FGF1: variants seen among roughly 807,000 people sequenced by gnomAD.
FGF1 encodes the protein fibroblast growth factor 1.
FGF1 carries 9 observed loss-of-function variants against 13.4 expected under a neutral mutation model. The observed-to-expected ratio is 0.67, with a 90% CI of 0.40 to 1.17. The LOEUF (loss-of-function observed/expected upper bound fraction) is 1.17. FGF1 is among the 50% of genes most tolerant of loss of function. The pLI is 0.01. For synonymous variants in FGF1, 93 were observed against 79.0 expected (o/e 1.18, Z -0.94); for missense variants, 156 against 192.7 (o/e 0.81, Z 1.13).
chr5:142,593,744 T>C lies in FGF1; in HGVS notation c.*1546A>G, dbSNP rs1254748555. ...CTCAGTGCCTGAATACTAATCAGTT[T>C]AACTGCTTTCAAGCTATATATTTTT... is the stretch of plus-strand genomic sequence containing the variant. On this transcript the variant is annotated 3_prime_UTR_variant, in exon 4 of 4. Transcript: ENST00000337706. 1 of 152,662 alleles carries C rather than the reference T, an allele frequency of 6.6e-6. No individual in the cohort carries two copies. The highest frequency in any genetic ancestry group is 1.5e-5 in the Non-Finnish European group (1 of 68,046). The allele number at this position is 152,662 out of a possible 1,614,324, so 9.5% of individuals were successfully genotyped here.
rs892311223 is a variant in FGF1 at position 142,592,209 on chromosome 5, G to T, written c.*3081C>A. On this transcript the variant is annotated 3_prime_UTR_variant, in exon 4 of 4. Transcript: ENST00000337706. ...ATTATTGGAACATTTATTAATATTTGTAAGGTGCAGACTATGATACACAAA... is the reference window on the plus strand; with the variant it reads ...ATTATTGGAACATTTATTAATATTTTTAAGGTGCAGACTATGATACACAAA... 5.0e-6 allele frequency: 2 copies of T among 396,822 alleles called. No individual in the cohort carries two copies. Among genetic ancestry groups the T allele is most frequent in the Admixed American group, 4.4e-5 (1 of 22,692 alleles). 24.6% of individuals were successfully genotyped at this position (396,822 alleles called of 1,614,324 possible).
chr5:142,639,976 T>C (rs1273214108), intron 1 of FGF1, among the ~76,000 whole-genome samples: 2 of 152,012 alleles, frequency 1.3e-5, no homozygotes, highest in Admixed American at 1.3e-4. Context: ...AAAAGATGCA[T>C]GCTGGCTCAA....
At chr5:142,621,077 C>CT (rs1305432420) in intron 1 of FGF1, among the ~76,000 whole-genome samples, 1 of 152,180 alleles carries the variant, frequency 6.6e-6, no homozygotes, top group Non-Finnish European at 1.5e-5. Context: ...GCACTGCCTT[C>CT]TTTCAATCCA....
chr5:142,692,733 A>G (rs184172966), intron 2 of FGF1, among the ~76,000 whole-genome samples: 1 of 151,964 alleles, frequency 6.6e-6, no homozygotes, highest in East Asian at 1.9e-4. Context: ...ACAGTTTTAC[A>G]TTTAATTTCA....
intron 1 of FGF1, among the ~76,000 whole-genome samples, chr5:142,637,570 C>T (rs152440): frequency 0.28 from 42,028 of 151,952 alleles, 7,017 homozygotes; most frequent in Non-Finnish European, 0.38. Context: ...CTGCCTGCCT[C>T]GGCCTCCCAG....
chr5:142,609,175 G>T (rs1408850344), intron 2 of FGF1, among the ~76,000 whole-genome samples: 3 of 152,148 alleles, frequency 2.0e-5, no homozygotes, highest in Non-Finnish European at 4.4e-5. Context: ...TGCAAGGTAG[G>T]ATTGTTTTGA....
chr5:142,691,381 C>G (rs1281166757), intron 2 of FGF1, among the ~76,000 whole-genome samples: 1 of 150,912 alleles, frequency 6.6e-6, no homozygotes, highest in Non-Finnish European at 1.5e-5. Flanking sequence ...GAGATAGTGT[C>G]ACTGCACTCC....
intron 2 of FGF1, chr5:142,601,092 A>C (rs1756455524): frequency 8.8e-6 from 5 of 569,046 alleles, no homozygotes; most frequent in Admixed American, 3.8e-5. Flanking sequence ...GTGCACCTTC[A>C]CGGTGCCTCG....
chr5:142,613,934 G>T (rs1429536881), intron 2 of FGF1, 25 bp downstream of exon 2: 3 of 1,608,692 alleles, frequency 1.9e-6, no homozygotes, highest in African/African-American at 2.7e-5. Flanking sequence ...GAAAGGGAAG[G>T]GGGGTGCCAT....
chr5:142,601,304 G>A (rs150259402), intron 2 of FGF1, among the ~76,000 whole-genome samples: 315 of 152,246 alleles, frequency 2.1e-3, no homozygotes, highest in African/African-American at 7.2e-3. Flanking sequence ...ATTCCTGTCC[G>A]CAGATCGTTA....
At chr5:142,684,013 A>G (rs1774217447) in intron 1 of FGF1, among the ~76,000 whole-genome samples, 1 of 152,032 alleles carries the variant, frequency 6.6e-6, no homozygotes, top group African/African-American at 2.4e-5. Context: ...CTGTGCTTTC[A>G]CCACTTTACT....
intron 1 of FGF1, among the ~76,000 whole-genome samples, chr5:142,675,060 G>A (rs1039048813): frequency 1.3e-5 from 2 of 152,186 alleles, no homozygotes; most frequent in African/African-American, 4.8e-5. Context: ...GAGGTGGGGA[G>A]GGTCAGGTCA....
chr5:142,598,596 T>C (rs541064403), intron 3 of FGF1, among the ~76,000 whole-genome samples: 2 of 152,182 alleles, frequency 1.3e-5, no homozygotes, highest in Non-Finnish European at 2.9e-5. Context: ...TTTTGATATA[T>C]AGCCTTTCAA....
intron 1 of FGF1, among the ~76,000 whole-genome samples, chr5:142,663,658 C>G (rs2152006152): frequency 6.6e-6 from 1 of 152,256 alleles, no homozygotes. Flanking sequence ...GTCTTGGGGT[C>G]AAAAATCAAA....
chr5:142,611,084 CTAAT>C (rs1758943871), intron 2 of FGF1, among the ~76,000 whole-genome samples: 2 of 152,346 alleles, frequency 1.3e-5, no homozygotes, highest in African/African-American at 4.8e-5. Flanking sequence ...ACTTCAGTCT[CTAAT>C]TATGCTCAAA....
rs551563321 is a variant in FGF1, at chr5:142,603,018, T to A, written c.170-2213A>T. ...CTAGCTTCCAGTGGCAACTGGAGTTTATTTAATTCACAGGAAGGAACTGGA... is the reference window on the plus strand; with the variant it reads ...CTAGCTTCCAGTGGCAACTGGAGTTAATTTAATTCACAGGAAGGAACTGGA... On this transcript the variant is annotated intron_variant, in intron 2 of 3. Transcript: ENST00000337706. 2.0e-5 allele frequency among the ~76,000 whole-genome samples: 3 copies of A among 152,298 alleles called. No homozygotes were observed. The South Asian group carries it at 6.2e-4, about 32-fold the overall frequency.
chr5:142,630,331 G>A (rs1763163500), intron 1 of FGF1, among the ~76,000 whole-genome samples: 1 of 152,106 alleles, frequency 6.6e-6, no homozygotes, highest in African/African-American at 2.4e-5. Flanking sequence ...GCCATGAGGG[G>A]TTATCACGTT....
chr5:142,660,064 G>A (rs1768927732), intron 1 of FGF1, among the ~76,000 whole-genome samples: 1 of 152,246 alleles, frequency 6.6e-6, no homozygotes, highest in African/African-American at 2.4e-5. Context: ...CATGGGCAGT[G>A]TCACACGTTT....
intron 1 of FGF1, among the ~76,000 whole-genome samples, chr5:142,624,101 G>C (rs899054923): frequency 2.0e-5 from 3 of 152,070 alleles, no homozygotes; most frequent in Admixed American, 1.3e-4. Context: ...TGTATTTTTA[G>C]TAGAGACGGG....
Sources: gnomAD v4.1 joint callset for allele counts (sites outside exome capture counted in the v4.1 genomes callset) on GRCh38, gnomAD v4.1.1 for gene constraint, MANE v1.5 for transcripts, NCBI Gene and HGNC (gene_info 2026-07-23, HGNC 2026-07-21) for gene names.